Variants in PCDH15 observed in about 807,000 individuals in gnomAD.
The protein encoded by PCDH15 is protocadherin related 15, also known as protocadherin-15.
A neutral mutation model predicts 178.5 loss-of-function variants in PCDH15; 129 were observed. The ratio of observed to expected loss-of-function variants is 0.72; its 90% confidence interval spans 0.63 to 0.84. PCDH15 has a LOEUF of 0.84. Ranked by LOEUF, PCDH15 falls within the 40% of genes least tolerant of loss-of-function variation. The probability of loss-of-function intolerance (pLI) is 0.00; values close to 1 mark genes in which losing one functional copy is unlikely to be tolerated. For synonymous variants in PCDH15, 800 were observed against 732.0 expected, an observed-to-expected ratio of 1.09 and a Z score of -1.50; for missense variants, 2,230 against 2,099.9, an observed-to-expected ratio of 1.06 and a Z score of -1.21.
chr10:53,943,555 A>C (rs1464647390), intron 23 of PCDH15, among the ~76,000 whole-genome samples: 1 of 152,172 alleles, frequency 6.6e-6, no homozygotes, highest in Non-Finnish European at 1.5e-5. Flanking sequence ...AATATTAAAA[A>C]ATGCACGTGT....
At chr10:55,397,813 A>G (rs1837966079) in intron 2 of PCDH15, among the ~76,000 whole-genome samples, 1 of 150,858 alleles carries the variant, frequency 6.6e-6, no homozygotes, top group South Asian at 2.1e-4. Flanking sequence ...TCTCGAACGA[A>G]CTCCTGACCT....
intron 1 of PCDH15, among the ~76,000 whole-genome samples, chr10:54,729,822 G>A (rs1294623266): frequency 6.6e-6 from 1 of 151,334 alleles, no homozygotes; most frequent in Non-Finnish European, 1.5e-5. Flanking sequence ...TCAATAATAA[G>A]AGAAATGCAT....
intron 1 of PCDH15, among the ~76,000 whole-genome samples, chr10:54,667,728 GTTATGT>G (rs767375564): frequency 6.6e-6 from 1 of 152,006 alleles, no homozygotes; most frequent in Non-Finnish European, 1.5e-5. Context: ...GGCTAATAAT[GTTATGT>G]TCTAAAAATC....
chr10:55,493,944 T>C (rs1589079695), intron 2 of PCDH15, among the ~76,000 whole-genome samples: 2 of 152,036 alleles, frequency 1.3e-5, no homozygotes, highest in South Asian at 2.1e-4. Context: ...CTATATTTTC[T>C]AGTTTCTTCA....
chr10:54,264,914 CT>C (rs2057571123), intron 8 of PCDH15, among the ~76,000 whole-genome samples: 1 of 152,022 alleles, frequency 6.6e-6, no homozygotes, highest in African/African-American at 2.4e-5. Context: ...CAGAGAACCC[CT>C]TTTATATACT....
chr10:55,622,353 TC>T (rs1413123841), intron 2 of PCDH15, among the ~76,000 whole-genome samples: 4 of 151,308 alleles, frequency 2.6e-5, no homozygotes, highest in African/African-American at 4.9e-5. Context: ...GTACTTCCTT[TC>T]ACTTCTTCTC....
intron 6 of PCDH15, among the ~76,000 whole-genome samples, chr10:54,341,301 C>T (rs948231083): frequency 3.9e-5 from 6 of 152,080 alleles, no homozygotes; most frequent in African/African-American, 1.2e-4. Context: ...GCAGTTTCCC[C>T]CATGCTGTTC....
At chr10:55,448,698 T>G (rs1165150398) in intron 2 of PCDH15, among the ~76,000 whole-genome samples, 1 of 152,048 alleles carries the variant, frequency 6.6e-6, no homozygotes, top group Admixed American at 6.6e-5. Context: ...TAATCATGAT[T>G]ACTAATGTCT....
At chr10:55,613,740 G>C (rs937256673) in intron 2 of PCDH15, among the ~76,000 whole-genome samples, 2 of 152,088 alleles carry the variant, frequency 1.3e-5, no homozygotes, top group African/African-American at 4.8e-5. Flanking sequence ...TAGCCTCGTA[G>C]CTCAAAGCCA....
intron 20 of PCDH15, among the ~76,000 whole-genome samples, chr10:54,008,055 A>T (rs557169389): frequency 3.9e-5 from 6 of 152,316 alleles, no homozygotes; most frequent in Non-Finnish European, 7.4e-5. Context: ...TTTTAAAGTT[A>T]TATTTGTGAT....
intron 2 of PCDH15, among the ~76,000 whole-genome samples, chr10:54,928,917 T>G (rs1212518910): frequency 1.3e-5 from 2 of 152,148 alleles, no homozygotes; most frequent in Non-Finnish European, 2.9e-5. Context: ...TATTGTAAAT[T>G]CTACTTCTGC....
At chr10:55,227,500 G>C (rs540604739) in intron 1 of PCDH15, among the ~76,000 whole-genome samples, 44 of 147,786 alleles carry the variant, frequency 3.0e-4, no homozygotes, top group Admixed American at 2.7e-3. Flanking sequence ...TGGGCAGCAG[G>C]CTTAGAGGGT....
intron 1 of PCDH15, among the ~76,000 whole-genome samples, chr10:55,256,077 T>C (rs1160101778): frequency 6.6e-6 from 1 of 152,082 alleles, no homozygotes; most frequent in Non-Finnish European, 1.5e-5. Flanking sequence ...GTTTTTATGG[T>C]TTTAGGTCTA....
intron 1 of PCDH15, among the ~76,000 whole-genome samples, chr10:55,318,174 G>A (rs1843778972): frequency 6.6e-6 from 1 of 151,714 alleles, no homozygotes; most frequent in South Asian, 2.1e-4. Context: ...TGTACCATAT[G>A]AAAAATTTAA....
chr10:54,538,265 T>C lies in PCDH15; in HGVS notation c.92-10388A>G, dbSNP rs367672793. 1.2e-4 allele frequency among the ~76,000 whole-genome samples: 18 copies of C among 152,340 alleles called. No individual in the cohort carries two copies. In the East Asian group the frequency reaches 3.1e-3, roughly 26 times the overall value. On this transcript the variant is annotated intron_variant, in intron 2 of 37. Transcript: ENST00000644397. ...GCTTGAGGTCTTACACTTAAACTTT[T>C]AATGCATGTTGAGTTAATTTTTGTA...
intron 2 of PCDH15, among the ~76,000 whole-genome samples, chr10:55,002,976 T>G (rs1321518049): frequency 2.6e-5 from 4 of 152,192 alleles, no homozygotes; most frequent in African/African-American, 9.6e-5. Context: ...ATTTCAAATG[T>G]GAGGTGGTTT....
At chr10:55,128,891 G>T (rs1837972204) in intron 2 of PCDH15, among the ~76,000 whole-genome samples, 1 of 152,128 alleles carries the variant, frequency 6.6e-6, no homozygotes, top group Non-Finnish European at 1.5e-5. Context: ...GCCTGCCAGA[G>T]TTTCATGGAT....
intron 2 of PCDH15, among the ~76,000 whole-genome samples, chr10:55,038,280 A>G (rs1840784334): frequency 6.6e-6 from 1 of 152,120 alleles, no homozygotes; most frequent in Non-Finnish European, 1.5e-5. Context: ...GAAAACTTTT[A>G]TTTTCTCCAA....
At chr10:54,256,371 T>C (rs10490982) in intron 8 of PCDH15, among the ~76,000 whole-genome samples, 26,463 of 152,174 alleles carry the variant, frequency 0.17, 2,534 homozygotes, top group South Asian at 0.23. Context: ...TAGAAATATT[T>C]GAGATAGGTT....
Sources: allele counts gnomAD v4.1 joint callset (sites outside exome capture counted in the v4.1 genomes callset), GRCh38; gene constraint gnomAD v4.1.1; transcripts MANE v1.5; gene names NCBI Gene and HGNC (gene_info 2026-07-23, HGNC 2026-07-21).